KANSL1L: variants seen among roughly 807,000 people sequenced by gnomAD.
The protein encoded by KANSL1L is KAT8 regulatory NSL complex subunit 1-like protein.
A neutral mutation model predicts 108.6 loss-of-function variants in KANSL1L; 25 were observed. The observed-to-expected ratio is 0.23, with a 90% CI of 0.17 to 0.32. The LOEUF (loss-of-function observed/expected upper bound fraction) is 0.32, where lower values mean the gene tolerates loss of function less well. Ranked by LOEUF, KANSL1L falls within the 10% of genes least tolerant of loss-of-function variation. KANSL1L has a pLI of 1.00. For missense variants in KANSL1L, 1,137 were observed against 1,125.7 expected (o/e 1.01, Z -0.14); for synonymous variants, 405 against 395.1 (o/e 1.03, Z -0.30).
At chr2:210,103,737 C>A (rs1242379740) in intron 4 of KANSL1L, among the ~76,000 whole-genome samples, 6 of 151,830 alleles carry the variant, frequency 4.0e-5, no homozygotes, top group Non-Finnish European at 8.8e-5. Context: ...AAATCTTGTT[C>A]AATAAATTAG....
At chr2:210,036,993 C>T (rs1308875055) in intron 8 of KANSL1L, among the ~76,000 whole-genome samples, 8 of 151,356 alleles carry the variant, frequency 5.3e-5, no homozygotes, top group Non-Finnish European at 5.9e-5. Context: ...TGGGCTCAAG[C>T]GATCCTCCTG....
chr2:210,117,769 G>A (rs1460131652), intron 3 of KANSL1L, among the ~76,000 whole-genome samples: 1 of 152,124 alleles, frequency 6.6e-6, no homozygotes, highest in Admixed American at 6.5e-5. Context: ...AGGATTATAA[G>A]AGACTATTAT....
chr2:210,052,124 C>G (rs2094299990), intron 6 of KANSL1L, among the ~76,000 whole-genome samples: 1 of 151,786 alleles, frequency 6.6e-6, no homozygotes, highest in Admixed American at 6.6e-5. Flanking sequence ...CCACCTTATC[C>G]TCTAGAGTAG....
chr2:210,102,555 G>A (rs1204775237), intron 4 of KANSL1L, among the ~76,000 whole-genome samples: 1 of 152,056 alleles, frequency 6.6e-6, no homozygotes, highest in East Asian at 1.9e-4. Context: ...GAAAATTTTT[G>A]CAATCTACCT....
intron 8 of KANSL1L, 45 bp downstream of exon 8, chr2:210,040,375 A>G (rs764196878): frequency 9.2e-6 from 8 of 871,200 alleles, no homozygotes; most frequent in Non-Finnish European, 1.5e-5. Context: ...AAGTATAAAG[A>G]CATAAAAAGG....
chr2:210,079,635 T>C (rs1428112055), intron 5 of KANSL1L, among the ~76,000 whole-genome samples: 1 of 7,034 alleles, frequency 1.4e-4, no homozygotes, highest in African/African-American at 3.8e-4. Context: ...TATATATATA[T>C]ATATATATAT....
chr2:210,114,630 T>TA (rs2094937481), intron 3 of KANSL1L, among the ~76,000 whole-genome samples: 1 of 152,104 alleles, frequency 6.6e-6, no homozygotes, highest in Non-Finnish European at 1.5e-5. Flanking sequence ...ACTAGTACAT[T>TA]AAAAAAATAT....
chr2:210,073,531 A>T (rs2094521613), intron 6 of KANSL1L, among the ~76,000 whole-genome samples: 1 of 152,098 alleles, frequency 6.6e-6, no homozygotes, highest in Non-Finnish European at 1.5e-5. Flanking sequence ...TGTCTAAAAA[A>T]AAAAATGGAA....
chr2:210,133,295 GTTA>G (rs534833111), intron 2 of KANSL1L, among the ~76,000 whole-genome samples: 472 of 151,930 alleles, frequency 3.1e-3, no homozygotes, highest in African/African-American at 0.011. Flanking sequence ...ATAATACAAA[GTTA>G]TTATACTCTT....
chr2:210,168,544 T>C (rs1688125880), intron 1 of KANSL1L, among the ~76,000 whole-genome samples: 1 of 152,070 alleles, frequency 6.6e-6, no homozygotes, highest in Non-Finnish European at 1.5e-5. Flanking sequence ...TGAAACTACA[T>C]TGATCAGTGA....
chr2:210,092,220 T>G (rs2094698518), intron 5 of KANSL1L, among the ~76,000 whole-genome samples: 1 of 152,212 alleles, frequency 6.6e-6, no homozygotes, highest in African/African-American at 2.4e-5. Context: ...AAGTAATTTT[T>G]CAGTCACTCT....
At chr2:210,086,349 A>T (rs936694539) in intron 5 of KANSL1L, among the ~76,000 whole-genome samples, 1 of 152,126 alleles carries the variant, frequency 6.6e-6, no homozygotes, top group Non-Finnish European at 1.5e-5. Flanking sequence ...TTTTATCTTC[A>T]TTTTAGAGTA....
chr2:210,115,046 A>G (rs1487715655), intron 3 of KANSL1L, among the ~76,000 whole-genome samples: 3 of 152,092 alleles, frequency 2.0e-5, no homozygotes, highest in East Asian at 1.9e-4. Flanking sequence ...CAAAAAAGGT[A>G]TAAGATATAT....
At chr2:210,125,476 C>A (rs1575579682) in intron 3 of KANSL1L, among the ~76,000 whole-genome samples, 2 of 152,290 alleles carry the variant, frequency 1.3e-5, no homozygotes, top group South Asian at 4.1e-4. Context: ...GTGAGGCCAG[C>A]ATTATCCTGA....
chr2:210,129,869 G>T lies in KANSL1L; in HGVS notation c.1089-697C>A, dbSNP rs188656097. Among the ~76,000 whole-genome samples, 12 of 151,668 alleles carry T rather than the reference G, an allele frequency of 7.9e-5. No individual in the cohort carries two copies. In the East Asian group the frequency reaches 2.3e-3, roughly 29 times the overall value. ...CTTTCATGCATATTTAAAAATAAGGGTTGATTCCTAGCTCCTCCTAGTACC... is the reference window on the plus strand; with the variant it reads ...CTTTCATGCATATTTAAAAATAAGGTTTGATTCCTAGCTCCTCCTAGTACC... On this transcript the variant is annotated intron_variant, in intron 2 of 14. Transcript: ENST00000281772.
In KANSL1L at chr2:210,029,805, G is replaced by C; in HGVS notation, c.2269C>G (p.Arg757Gly). Residue 757 changes from arginine (R) to glycine (G), a missense_variant and splice_region_variant, in exon 10 of 15, where the codon CGA becomes GGA. Physicochemically the swap from Arg to Gly is moderately radical, Grantham distance 125. This residue lies in a region of KANSL1L where 575 missense variants were observed against 567.1 expected (regional missense o/e 1.01). Transcript: ENST00000281772. ...NVLSRIQNSS[R>G]NTARRRLRSE... is the part of the protein sequence containing the mutation. ...GTTCAACATATGGAAAAACCTACTC[G>C]TGATGAATTCTGGATTCTTGATAAA... 4 of 1,507,354 alleles carry C rather than the reference G, an allele frequency of 2.7e-6. No individual in the cohort carries two copies. The highest frequency in any genetic ancestry group is 1.8e-6 in the Non-Finnish European group (2 of 1,090,672). 93.4% of individuals were successfully genotyped at this position (1,507,354 alleles called of 1,614,324 possible).
At chr2:210,151,160 T>A (rs1453836389) in intron 2 of KANSL1L, among the ~76,000 whole-genome samples, 1 of 151,990 alleles carries the variant, frequency 6.6e-6, no homozygotes, top group Non-Finnish European at 1.5e-5. Flanking sequence ...GGACTACAGG[T>A]GCACACCACC....
rs1559539732 is a variant in KANSL1L, at chr2:210,079,650, A to ATATATGTATGTG, written c.1551-3895_1551-3894insCACATACATATA. 3.2e-3 allele frequency among the ~76,000 whole-genome samples: 63 copies of ATATATGTATGTG among 19,516 alleles called. 2 individuals carry two copies. The highest frequency in any genetic ancestry group is 8.2e-3 in the South Asian group (3 of 364). 12.8% of individuals were successfully genotyped at this position (19,516 alleles called of 152,430 possible). The stretch of plus-strand genomic sequence containing the variant: ...TATATATATATATATATATATATAT[A>ATATATGTATGTG]TATATATATATATATGTATGTGTGT... On this transcript the variant is annotated intron_variant, in intron 5 of 14. Transcript: ENST00000281772.
At chr2:210,166,602 C>T (rs769336746) in intron 1 of KANSL1L, among the ~76,000 whole-genome samples, 3 of 152,034 alleles carry the variant, frequency 2.0e-5, no homozygotes, top group African/African-American at 7.2e-5. Context: ...TCCATATATG[C>T]CATGGAAAAT....
Sources: allele counts gnomAD v4.1 joint callset (sites outside exome capture counted in the v4.1 genomes callset), GRCh38; gene constraint gnomAD v4.1.1; regional missense constraint gnomAD v4.1.1; transcripts MANE v1.5; gene names NCBI Gene and HGNC (gene_info 2026-07-23, HGNC 2026-07-21).